ZNF761: variants seen among roughly 807,000 people sequenced by gnomAD.
The protein encoded by ZNF761 is zinc finger protein 761.
In ZNF761, 43 loss-of-function variants were observed where a neutral mutation model predicts 59.9. The ratio of observed to expected loss-of-function variants is 0.72; its 90% CI spans 0.56 to 0.92. The LOEUF is 0.92. Among genes scored for constraint, ZNF761 ranks in the 40% least tolerant of loss-of-function variants. ZNF761 has a pLI of 0.00. For missense variants in ZNF761, 850 were observed against 906.1 expected (o/e 0.94, Z 0.79); for synonymous variants, 294 against 304.8 (o/e 0.96, Z 0.37).
intron 1 of ZNF761, among the ~76,000 whole-genome samples, chr19:53,440,634 G>GA (rs1302763073): frequency 2.0e-5 from 3 of 151,832 alleles, no homozygotes; most frequent in East Asian, 1.9e-4. Flanking sequence ...AATGAAGTGG[G>GA]AAAAAAATCT....
intron 4 of ZNF761, among the ~76,000 whole-genome samples, chr19:53,451,280 G>A (rs997411621): frequency 5.9e-5 from 9 of 152,048 alleles, no homozygotes; most frequent in African/African-American, 1.9e-4. Flanking sequence ...GCACAATCTC[G>A]GGTCACTCCA....
rs1279336573 is a variant in ZNF761, at chr19:53,457,128, C to A, written c.*380C>A. The A allele has an allele frequency of 5.6e-6, 3 of 531,602 alleles. No individual in the cohort carries two copies. Among genetic ancestry groups the A allele is most frequent in the African/African-American group, 1.9e-5 (1 of 51,864 alleles). The allele number at this position is 531,602 out of a possible 1,614,324, so 32.9% of individuals were successfully genotyped here. On this transcript the variant is annotated 3_prime_UTR_variant, in exon 5 of 5. Transcript: ENST00000684525. Reference sequence around the variant, plus strand: ...TAGGCAGTCAACACTTGTTTACCGTCAGGCAATCCATGGTGTAGGGAAACT... The same window carrying A: ...TAGGCAGTCAACACTTGTTTACCGTAAGGCAATCCATGGTGTAGGGAAACT...
At chr19:53,445,287 T>C (rs1354634150) in intron 1 of ZNF761, 1 of 152,190 alleles carries the variant, frequency 6.6e-6, no homozygotes, top group Admixed American at 6.5e-5. Context: ...TAAGGAAAAA[T>C]TAAATGTCAG....
chr19:53,441,453 G>T (rs999910347), intron 1 of ZNF761, among the ~76,000 whole-genome samples: 10 of 144,552 alleles, frequency 6.9e-5, no homozygotes, highest in Admixed American at 2.1e-4. Context: ...TTTGTTTTTT[G>T]TTTTTTTTTT....
rs762528802 is a variant in ZNF761 at position 53,455,817 on chromosome 19, C to CTT, written c.1311_1312dup (p.Tyr438PhefsTer127). On this transcript the variant is annotated frameshift_variant, in exon 5 of 5. Coordinates refer to ENST00000684525, the MANE Select transcript of ZNF761 (RefSeq NM_001289951.2). LOFTEE classifies it high-confidence loss of function. ...CGGAAAATTCATACTGAAGACAATGCTTACAAGTGTAATGAGTGTGGAAAG... is the reference window on the plus strand; with the variant it reads ...CGGAAAATTCATACTGAAGACAATGCTTTTACAAGTGTAATGAGTGTGGAAAG... The CTT allele has an allele frequency of 1.2e-6, 2 of 1,613,612 alleles. No individual in the cohort carries two copies. Among genetic ancestry groups the CTT allele is most frequent in the African/African-American group, 2.7e-5 (2 of 74,832 alleles).
chr19:53,456,827 A>G lies in ZNF761; in HGVS notation c.*79A>G. 1 of 1,457,812 alleles carries G rather than the reference A, an allele frequency of 6.9e-7. No individual in the cohort carries two copies. Among genetic ancestry groups the G allele is most frequent in the Non-Finnish European group, 9.5e-7 (1 of 1,053,026 alleles). 90.3% of individuals were successfully genotyped at this position (1,457,812 alleles called of 1,614,324 possible). ...TTCATACTGGGGAGAAACCTTAGAA[A>G]TGTGAAGCATGTGATAAAGTTTACA... is the stretch of plus-strand genomic sequence containing the variant. On this transcript the variant is annotated 3_prime_UTR_variant, in exon 5 of 5. Transcript: ENST00000684525.
intron 1 of ZNF761, among the ~76,000 whole-genome samples, chr19:53,445,532 G>T (rs2086147783): frequency 6.6e-6 from 1 of 151,996 alleles, no homozygotes; most frequent in Non-Finnish European, 1.5e-5. Context: ...ACTTGGAGAT[G>T]AGGGGCTAGA....
chr19:53,457,651 CTT>C lies in ZNF761; in HGVS notation c.*904_*905del, dbSNP rs1475694626. The C allele has an allele frequency of 1.2e-5, 3 of 248,446 alleles. No individual in the cohort carries two copies. Among genetic ancestry groups the C allele is most frequent in the African/African-American group, 2.4e-5 (1 of 42,472 alleles). 15.4% of individuals were successfully genotyped at this position (248,446 alleles called of 1,614,324 possible). ...CAGCATTGACTTGAGTTTGTATTGACTTAACATTGAGTTCAAGCATTAATTGA... is the reference window on the plus strand; with the variant it reads ...CAGCATTGACTTGAGTTTGTATTGACAACATTGAGTTCAAGCATTAATTGA... On this transcript the variant is annotated 3_prime_UTR_variant, in exon 5 of 5. Coordinates refer to ENST00000684525, the MANE Select transcript of ZNF761 (RefSeq NM_001289951.2).
At chr19:53,447,532 G>A (rs572757023) in intron 3 of ZNF761, among the ~76,000 whole-genome samples, 3 of 152,276 alleles carry the variant, frequency 2.0e-5, no homozygotes, top group South Asian at 4.1e-4. Context: ...GGATGGAGAC[G>A]GGGTGAGGGT....
rs1448341270 is a variant in ZNF761, at chr19:53,455,355, C to A, written c.848C>A (p.Ser283Ter). ...TGTGGCAAGACCTTCAGTCAGACGT[C>A]ATCCCTTACATGCCATCGTAGACTT... is the stretch of plus-strand genomic sequence containing the variant. ...NECGKTFSQT[S>*]SLTCHRRLHT... Residue 283 changes from serine (S) to a stop codon, truncating the protein, a stop_gained, in exon 5 of 5, where the codon TCA becomes TAA. Transcript: ENST00000684525. LOFTEE classifies it high-confidence loss of function. 2.5e-6 allele frequency: 4 copies of A among 1,614,210 alleles called. No individual in the cohort carries two copies. Among genetic ancestry groups the A allele is most frequent in the Admixed American group, 3.3e-5 (2 of 60,024 alleles).
At chr19:53,436,163 T>C (rs1339728683) in intron 1 of ZNF761, among the ~76,000 whole-genome samples, 3 of 152,190 alleles carry the variant, frequency 2.0e-5, no homozygotes, top group East Asian at 1.9e-4. Context: ...GGTGGACCTA[T>C]GGCATGATTC....
At chr19:53,452,381 G>T (rs2086229431) in intron 4 of ZNF761, among the ~76,000 whole-genome samples, 1 of 152,106 alleles carries the variant, frequency 6.6e-6, no homozygotes, top group Non-Finnish European at 1.5e-5. Flanking sequence ...TACTCACTAG[G>T]CTGAGGCAGG....
In ZNF761 at chr19:53,457,189, A is replaced by G; in HGVS notation, c.*441A>G. 4.0e-6 allele frequency: 2 copies of G among 505,228 alleles called. No homozygotes were observed. The highest frequency in any genetic ancestry group is 1.5e-5 in the South Asian group (1 of 64,740). The allele number at this position is 505,228 out of a possible 1,614,324, so 31.3% of individuals were successfully genotyped here. A position where few individuals can be genotyped will look rare whatever the true frequency, so the allele number is the denominator to read the frequency against. ...AATGATTGTCACAAAGTCTTCAGTA[A>G]TGCTACAACCATTGTGAATCACTGG... On this transcript the variant is annotated 3_prime_UTR_variant, in exon 5 of 5. Transcript: ENST00000684525.
chr19:53,452,991 TC>T lies in ZNF761; in HGVS notation c.143-1656del, dbSNP rs538294312. Among the ~76,000 whole-genome samples, 5 of 152,342 alleles carry T rather than the reference TC, an allele frequency of 3.3e-5. No homozygotes were observed. In the East Asian group the frequency reaches 9.6e-4, roughly 29 times the overall value. Reference sequence around the variant, plus strand: ...TTCTCTGATCTTAGTTTAAAATTTTTCCCAGTGCACATTCTGTGTTTTATAT... The same window carrying T: ...TTCTCTGATCTTAGTTTAAAATTTTTCCAGTGCACATTCTGTGTTTTATAT... On this transcript the variant is annotated intron_variant, in intron 4 of 4. Coordinates refer to ENST00000684525, the MANE Select transcript of ZNF761 (RefSeq NM_001289951.2).
chr19:53,451,532 T>C (rs1216504677), intron 4 of ZNF761, among the ~76,000 whole-genome samples: 1 of 152,132 alleles, frequency 6.6e-6, no homozygotes, highest in African/African-American at 2.4e-5. Flanking sequence ...TTACCTTTAC[T>C]GGAGAACTTT....
chr19:53,433,051 TA>T (rs879721396), intron 1 of ZNF761, among the ~76,000 whole-genome samples: 21,460 of 69,588 alleles, frequency 0.31, 1,533 homozygotes, highest in East Asian at 0.45. Flanking sequence ...GACAGGGGGG[TA>T]TAACAGGGAA....
At position 53,456,964 on chromosome 19, in the gene ZNF761, A is replaced by G; in HGVS notation, c.*216A>G. The G allele has an allele frequency of 1.3e-6, 1 of 741,952 alleles. No homozygotes were observed. The highest frequency in any genetic ancestry group is 2.3e-6 in the Non-Finnish European group (1 of 433,598). 46.0% of individuals were successfully genotyped at this position (741,952 alleles called of 1,614,324 possible). On this transcript the variant is annotated 3_prime_UTR_variant, in exon 5 of 5. Transcript: ENST00000684525. ...CACATCAAACCGTGAAAGACAGGAG[A>G]ATTCATACTGGAGAGAAACCATAAA...
Position 53,456,677 on chromosome 19 carries a change from G to A in ZNF761, c.2170G>A (p.Gly724Ser). 1 of 1,613,898 alleles carries A rather than the reference G, an allele frequency of 6.2e-7. No individual in the cohort carries two copies. The highest frequency in any genetic ancestry group is 8.5e-7 in the Non-Finnish European group (1 of 1,179,914). ...GAAACCTTACAAGTGTAATGAGTGT[G>A]GCAAGACCTTTAGTCAGAAGTCAAA... Reference protein sequence around the residue: ...GEKPYKCNECGKTFSQKSNLT... With the variant: ...GEKPYKCNECSKTFSQKSNLT... Residue 724 changes from glycine to serine, a missense_variant, in exon 5 of 5, where the codon GGC becomes AGC. Gly to Ser is a moderately conservative substitution (Grantham distance 56, BLOSUM62 0). Transcript: ENST00000684525.
intron 3 of ZNF761, among the ~76,000 whole-genome samples, chr19:53,447,856 T>G (rs1325512272): frequency 6.6e-6 from 1 of 152,192 alleles, no homozygotes; most frequent in Non-Finnish European, 1.5e-5. Flanking sequence ...ATTTTAAGAA[T>G]AGGAAATCAA....
Sources: allele counts gnomAD v4.1 joint callset (sites outside exome capture counted in the v4.1 genomes callset), GRCh38; gene constraint gnomAD v4.1.1; transcripts MANE v1.5; gene names NCBI Gene and HGNC (gene_info 2026-07-23, HGNC 2026-07-21).